KIFAP3: variants seen among roughly 807,000 people sequenced by gnomAD.
KIFAP3 encodes the protein kinesin associated protein 3, also known as kinesin-associated protein 3.
KIFAP3 carries 68 observed loss-of-function variants against 106.5 expected under a neutral mutation model. The observed-to-expected ratio is 0.64, with a 90% CI of 0.53 to 0.78. KIFAP3 has a LOEUF of 0.78. KIFAP3 is among the 30% of genes least tolerant of loss of function. The pLI, the probability that KIFAP3 is intolerant of heterozygous loss-of-function variation, is 0.00. For synonymous variants in KIFAP3, 320 were observed against 311.5 expected (o/e 1.03, Z -0.29); for missense variants, 780 against 941.8 (o/e 0.83, Z 2.25).
At chr1:170,077,631 C>T (rs956480123), upstream of KIFAP3, among the ~76,000 whole-genome samples, 4 of 152,174 alleles carry the variant, frequency 2.6e-5, no homozygotes, top group East Asian at 1.9e-4. Flanking sequence ...TTTTGAAAAA[C>T]TCTTAAGTCA....
rs775798860 is a variant in KIFAP3 at position 170,038,280 on chromosome 1, T to C, written c.517+10A>G. The C allele has an allele frequency of 1.4e-5, 22 of 1,572,758 alleles. No homozygotes were observed. Among genetic ancestry groups the C allele is most frequent in the Non-Finnish European group, 1.8e-5 (21 of 1,166,470 alleles). On this transcript the variant is annotated intron_variant, in intron 5 of 19. Transcript: ENST00000361580. ...CTCTATTATAATTAAACATGTTTTATAGTAATCACCATTCAATAGTAGTTC... is the reference window on the plus strand; with the variant it reads ...CTCTATTATAATTAAACATGTTTTACAGTAATCACCATTCAATAGTAGTTC...
intron 1 of KIFAP3, among the ~76,000 whole-genome samples, chr1:170,083,634 A>G (rs1471224129): frequency 6.6e-6 from 1 of 152,210 alleles, no homozygotes; most frequent in East Asian, 1.9e-4. Context: ...AAGGGCAGCA[A>G]TTGATATTAG....
chr1:170,001,443 T>G (rs1184198340), intron 10 of KIFAP3, among the ~76,000 whole-genome samples: 4 of 152,090 alleles, frequency 2.6e-5, no homozygotes, highest in Non-Finnish European at 4.4e-5. Context: ...AGCATAAATT[T>G]TACTGCCATT....
chr1:170,035,805 A>G (rs1669661409), intron 5 of KIFAP3, among the ~76,000 whole-genome samples: 1 of 152,028 alleles, frequency 6.6e-6, no homozygotes, highest in Admixed American at 6.5e-5. Flanking sequence ...ATAAAGTGAC[A>G]TATGTTATGG....
At position 170,006,290 on chromosome 1, in the gene KIFAP3, T is replaced by C. The variant is rs191406673; in HGVS notation, c.1183+10172A>G. ...CCTCTAACCACCCACCAAATATTTA[T>C]TGAGAACATACAATGTGCTAGACAT... is the stretch of plus-strand genomic sequence containing the variant. On this transcript the variant is annotated intron_variant, in intron 10 of 19. Transcript: ENST00000361580. Among the ~76,000 whole-genome samples the C allele has an allele frequency of 2.3e-3, 345 of 152,224 alleles. 2 individuals carry two copies. The highest frequency in any genetic ancestry group is 1.1e-3 in the Non-Finnish European group (78 of 68,012).
chr1:170,000,763 TTATAA>T (rs1226561470), intron 10 of KIFAP3, among the ~76,000 whole-genome samples: 1 of 152,120 alleles, frequency 6.6e-6, no homozygotes, highest in Non-Finnish European at 1.5e-5. Context: ...ATGATCTCTT[TTATAA>T]TATATTTGTC....
At chr1:170,032,239 T>C (rs922233970) in intron 7 of KIFAP3, 3 of 295,478 alleles carry the variant, frequency 1.0e-5, no homozygotes, top group African/African-American at 6.4e-5. Flanking sequence ...ATCATATAGA[T>C]ATTTGAACCT....
intron 9 of KIFAP3, among the ~76,000 whole-genome samples, chr1:170,020,940 G>A (rs1204993618): frequency 6.6e-6 from 1 of 152,094 alleles, no homozygotes; most frequent in Non-Finnish European, 1.5e-5. Context: ...GTTAGACAAA[G>A]ATTTCTTAAA....
chr1:170,058,296 G>T (rs1165379219), intron 1 of KIFAP3, among the ~76,000 whole-genome samples: 1 of 152,100 alleles, frequency 6.6e-6, no homozygotes, highest in Admixed American at 6.6e-5. Context: ...AAATAAAATT[G>T]TATCAAATAA....
intron 17 of KIFAP3, among the ~76,000 whole-genome samples, chr1:169,971,186 T>C (rs1053103991): frequency 2.0e-5 from 3 of 151,996 alleles, no homozygotes; most frequent in African/African-American, 7.2e-5. Flanking sequence ...AGAAGGTAGA[T>C]AAAAAGTATG....
intron 16 of KIFAP3, among the ~76,000 whole-genome samples, chr1:169,977,216 C>G (rs1014517898): frequency 6.6e-6 from 1 of 152,088 alleles, no homozygotes; most frequent in Non-Finnish European, 1.5e-5. Flanking sequence ...AAAGAGTTAG[C>G]AGATATCAAA....
intron 11 of KIFAP3, among the ~76,000 whole-genome samples, chr1:169,991,353 A>C (rs1667097298): frequency 6.6e-6 from 1 of 152,004 alleles, no homozygotes; most frequent in African/African-American, 2.4e-5. Flanking sequence ...CTCAAAAAAA[A>C]AAAAGGAAGG....
intron 7 of KIFAP3, among the ~76,000 whole-genome samples, chr1:170,033,510 T>C (rs528433710): frequency 1.3e-5 from 2 of 151,888 alleles, no homozygotes; most frequent in Middle Eastern, 3.4e-3. Flanking sequence ...GCAAAACATA[T>C]CATGGTTGAA....
At chr1:169,993,399 C>T (rs542567113) in intron 10 of KIFAP3, among the ~76,000 whole-genome samples, 47 of 151,682 alleles carry the variant, frequency 3.1e-4, no homozygotes, top group African/African-American at 1.1e-3. Context: ...CGTGAGCCAC[C>T]GCGCCTGGCC....
chr1:170,002,584 G>A (rs1230492426), intron 10 of KIFAP3, among the ~76,000 whole-genome samples: 1 of 152,070 alleles, frequency 6.6e-6, no homozygotes. Flanking sequence ...ATTTACACAG[G>A]TAGAACTCAG....
Position 170,034,544 on chromosome 1 carries a change from G to T in KIFAP3, c.618-48C>A, listed in dbSNP as rs370135595. 2.1e-5 allele frequency: 23 copies of T among 1,086,808 alleles called. No individual in the cohort carries two copies. The African/African-American group carries it at 3.5e-4, about 17-fold the overall frequency. 67.3% of individuals were successfully genotyped at this position (1,086,808 alleles called of 1,614,324 possible). ...TATATTTAAAAGAATACATTTTATGGGTACAGGAAATTTGTTTTTGGTGAT... is the reference window on the plus strand; with the variant it reads ...TATATTTAAAAGAATACATTTTATGTGTACAGGAAATTTGTTTTTGGTGAT... On this transcript the variant is annotated intron_variant, in intron 6 of 19. Transcript: ENST00000361580.
Position 170,016,463 on chromosome 1 carries a change from T to G in KIFAP3, c.1182A>C (p.Leu394=). ...GTCATTAATTTCTAAAAAGCATACC[T>G]AGGAGTGCAGTGAGCTTGGGAAGCA... ...VGLLPKLTAL[L]GNDNYKQIAM... The change falls in exon 10 of 20, where the codon CTA becomes CTC. Residue 394 remains leucine, a splice_region_variant and synonymous_variant. Transcript: ENST00000361580. 6.3e-7 allele frequency: 1 copy of G among 1,598,482 alleles called. No individual in the cohort carries two copies. The highest frequency in any genetic ancestry group is 8.5e-7 in the Non-Finnish European group (1 of 1,173,732).
At chr1:170,025,333 A>G (rs1414582100) in intron 8 of KIFAP3, among the ~76,000 whole-genome samples, 1 of 152,128 alleles carries the variant, frequency 6.6e-6, no homozygotes, top group Admixed American at 6.5e-5. Flanking sequence ...AGTGAGCTTC[A>G]GAGTTCAATT....
At chr1:170,033,968 C>T (rs542472604) in intron 7 of KIFAP3, among the ~76,000 whole-genome samples, 77 of 151,818 alleles carry the variant, frequency 5.1e-4, no homozygotes, top group South Asian at 1.2e-3. Context: ...TAACTAGGTT[C>T]ATCACCAAAT....
Sources: allele counts gnomAD v4.1 joint callset (sites outside exome capture counted in the v4.1 genomes callset), GRCh38; gene constraint gnomAD v4.1.1; transcripts MANE v1.5; gene names NCBI Gene and HGNC (gene_info 2026-07-23, HGNC 2026-07-21).